The following RAD54L2 variants were observed in gnomAD, a reference collection of about 807,000 sequenced individuals.
RAD54L2 encodes the protein helicase ARIP4.
A neutral mutation model predicts 138.4 loss-of-function variants in RAD54L2; 27 were observed. The observed-to-expected ratio is 0.20, with a 90% confidence interval of 0.14 to 0.27. The LOEUF (loss-of-function observed/expected upper bound fraction) is 0.27. RAD54L2 is among the 10% of genes least tolerant of loss of function. The pLI, the probability that RAD54L2 is intolerant of heterozygous loss-of-function variation, is 1.00. For missense variants in RAD54L2, 1,396 were observed against 1,890.2 expected (o/e 0.74, Z 4.85); for synonymous variants, 644 against 723.2 (o/e 0.89, Z 1.76).
intron 14 of RAD54L2, 92 bp downstream of exon 14, chr3:51,640,091 C>G: frequency 1.1e-6 from 1 of 899,582 alleles, no homozygotes; most frequent in Non-Finnish European, 1.7e-6. Context: ...CCCCGCCTCC[C>G]CCAAGTGCTA....
At chr3:51,651,131 A>G (rs2106836019) in intron 19 of RAD54L2, among the ~76,000 whole-genome samples, 1 of 152,332 alleles carries the variant, frequency 6.6e-6, no homozygotes, top group Non-Finnish European at 1.5e-5. Flanking sequence ...GGAAATACAA[A>G]CTAGCATCAG....
At chr3:51,640,462 T>C (rs1054613017) in intron 14 of RAD54L2, among the ~76,000 whole-genome samples, 11 of 152,226 alleles carry the variant, frequency 7.2e-5, no homozygotes, top group Non-Finnish European at 1.2e-4. Context: ...TGTAGTTTGC[T>C]CCGGAGTTAT....
intron 2 of RAD54L2, among the ~76,000 whole-genome samples, chr3:51,550,532 G>T (rs1698808888): frequency 6.6e-6 from 1 of 152,150 alleles, no homozygotes; most frequent in East Asian, 1.9e-4. Context: ...GGAGGCCAAG[G>T]TAGGTGGATT....
intron 2 of RAD54L2, among the ~76,000 whole-genome samples, chr3:51,577,434 T>G (rs1048231855): frequency 6.6e-6 from 1 of 152,192 alleles, no homozygotes; most frequent in Non-Finnish European, 1.5e-5. Flanking sequence ...TGTCTAATGT[T>G]GACAGTGGGG....
intron 14 of RAD54L2, among the ~76,000 whole-genome samples, chr3:51,640,991 T>A (rs1701119062): frequency 6.6e-6 from 1 of 152,076 alleles, no homozygotes; most frequent in East Asian, 1.9e-4. Context: ...GTTACCTCTT[T>A]CTGTTTCTTT....
chr3:51,549,501 C>G (rs1179567347), intron 2 of RAD54L2, among the ~76,000 whole-genome samples: 1 of 152,022 alleles, frequency 6.6e-6, no homozygotes, highest in African/African-American at 2.4e-5. Context: ...GTGGCTTATA[C>G]CTGTAATCCC....
chr3:51,594,028 C>T (rs570303242), intron 3 of RAD54L2, among the ~76,000 whole-genome samples: 1 of 150,594 alleles, frequency 6.6e-6, no homozygotes, highest in South Asian at 2.1e-4. Flanking sequence ...CATTTTGACA[C>T]ACTTTATCAT....
rs1701280599 is a variant in RAD54L2 at position 51,646,408 on chromosome 3, C to A, written c.2953C>A (p.Pro985Thr). 4.3e-6 allele frequency: 7 copies of A among 1,613,864 alleles called. No homozygotes were observed. The highest frequency in any genetic ancestry group is 5.9e-6 in the Non-Finnish European group (7 of 1,179,842). The part of the protein sequence containing the change: ...DKRTSVPYTR[P>T]SYAQYYPASD... ...ACGCACATCAGTCCCCTATACCCGC[C>A]CATCGTATGCGCAGTATTACCCTGC... The change falls in exon 19 of 23, where the codon CCA (proline) becomes ACA (threonine). Residue 985 changes from proline (P) to threonine (T), a missense_variant. Around this residue, in one of 7 missense-constraint regions of RAD54L2, gnomAD observed 634 missense variants for 711.2 expected, o/e 0.89. Coordinates refer to ENST00000684192, the MANE Select transcript of RAD54L2 (RefSeq NM_015106.4).
intron 2 of RAD54L2, among the ~76,000 whole-genome samples, chr3:51,580,684 G>A (rs897516458): frequency 6.6e-6 from 1 of 152,102 alleles, no homozygotes; most frequent in Admixed American, 6.6e-5. Context: ...TTCTGTGCTG[G>A]GAACCTGGGA....
chr3:51,644,184 T>A (rs1701211754), intron 16 of RAD54L2, among the ~76,000 whole-genome samples: 1 of 152,170 alleles, frequency 6.6e-6, no homozygotes, highest in African/African-American at 2.4e-5. Flanking sequence ...TCATTAACAA[T>A]GGTTGTGGCT....
At chr3:51,652,001 C>T (rs1701451453) in intron 19 of RAD54L2, among the ~76,000 whole-genome samples, 1 of 152,180 alleles carries the variant, frequency 6.6e-6, no homozygotes, top group South Asian at 2.1e-4. Flanking sequence ...CAAATTGTCC[C>T]TATTTGCAGA....
intron 3 of RAD54L2, among the ~76,000 whole-genome samples, chr3:51,626,079 G>A (rs1297726959): frequency 1.3e-5 from 2 of 151,448 alleles, no homozygotes; most frequent in South Asian, 2.1e-4. Context: ...CTCCAACCCC[G>A]CCGACCCCAC....
At chr3:51,602,373 A>G (rs1201239352) in intron 3 of RAD54L2, among the ~76,000 whole-genome samples, 1 of 152,202 alleles carries the variant, frequency 6.6e-6, no homozygotes, top group Non-Finnish European at 1.5e-5. Flanking sequence ...TAGATGAACC[A>G]TTATCATTCA....
At chr3:51,627,814 A>G in intron 4 of RAD54L2, 60 bp downstream of exon 4, 1 of 1,572,520 alleles carries the variant, frequency 6.4e-7, no homozygotes, top group Non-Finnish European at 8.7e-7. Context: ...CTTCATCTTA[A>G]GGCTGTCAAT....
chr3:51,619,867 C>A (rs896498212), intron 3 of RAD54L2, among the ~76,000 whole-genome samples: 2 of 152,080 alleles, frequency 1.3e-5, no homozygotes, highest in South Asian at 4.1e-4. Context: ...TGTTTCTTTG[C>A]ATATCTAGTG....
In RAD54L2 at chr3:51,596,171, A is replaced by C. The variant is rs981137143; in HGVS notation, c.139+5612A>C. Among the ~76,000 whole-genome samples the C allele has an allele frequency of 2.2e-4, 9 of 40,906 alleles. No homozygotes were observed. The East Asian group carries it at 5.6e-3, about 25-fold the overall frequency. 26.8% of individuals were successfully genotyped at this position (40,906 alleles called of 152,430 possible). A position where few individuals can be genotyped will look rare whatever the true frequency, so the allele number is the denominator to read the frequency against. ...TCAAACTCCTGACCTCAAGTGATCC[A>C]CCCACCTCGGCCTCCCAAAGTGCTG... is the stretch of plus-strand genomic sequence containing the variant. On this transcript the variant is annotated intron_variant, in intron 3 of 22. Transcript: ENST00000684192.
At chr3:51,579,052 A>G (rs1362865651) in intron 2 of RAD54L2, among the ~76,000 whole-genome samples, 1 of 152,092 alleles carries the variant, frequency 6.6e-6, no homozygotes, top group Non-Finnish European at 1.5e-5. Flanking sequence ...CTCCTCTCCG[A>G]AGCTACACCA....
At chr3:51,597,906 A>T (rs1487328135) in intron 3 of RAD54L2, among the ~76,000 whole-genome samples, 5 of 151,398 alleles carry the variant, frequency 3.3e-5, no homozygotes, top group Non-Finnish European at 7.4e-5. Flanking sequence ...GTGAGCCGAG[A>T]TCACGCCACT....
At chr3:51,544,646 C>T (rs1577378137) in intron 2 of RAD54L2, among the ~76,000 whole-genome samples, 1 of 152,170 alleles carries the variant, frequency 6.6e-6, no homozygotes, top group Admixed American at 6.5e-5. Flanking sequence ...CTCTGTCACC[C>T]AGGCTGGAGT....
Sources: gnomAD v4.1 joint callset for allele counts (sites outside exome capture counted in the v4.1 genomes callset) on GRCh38, gnomAD v4.1.1 for gene constraint, gnomAD v4.1.1 regional missense constraint, MANE v1.5 for transcripts, NCBI Gene and HGNC (gene_info 2026-07-23, HGNC 2026-07-21) for gene names.